The following CSGALNACT1 variants were observed in gnomAD, a reference collection of about 807,000 sequenced individuals.
CSGALNACT1 encodes the protein beta4GalNAcT-1.
CSGALNACT1 carries 52 observed loss-of-function variants against 51.0 expected under a neutral mutation model. The ratio of observed to expected loss-of-function variants is 1.02; its 90% CI spans 0.82 to 1.29. The LOEUF (loss-of-function observed/expected upper bound fraction) is 1.29. Ranked by LOEUF, CSGALNACT1 falls within the 50% of genes most tolerant of loss-of-function variation. The pLI is 0.00. For synonymous variants in CSGALNACT1, 341 were observed against 254.4 expected (o/e 1.34, Z -3.24); for missense variants, 935 against 679.2 (o/e 1.38, Z -4.19).
intron 1 of CSGALNACT1, among the ~76,000 whole-genome samples, chr8:19,679,359 G>A (rs1485916287): frequency 5.9e-5 from 9 of 152,062 alleles, no homozygotes; most frequent in Admixed American, 2.0e-4. Context: ...GGAGGCTGAG[G>A]TGAGAGAACT....
chr8:19,691,492 C>T (rs747221037), intron 1 of CSGALNACT1, among the ~76,000 whole-genome samples: 1 of 152,236 alleles, frequency 6.6e-6, no homozygotes, highest in African/African-American at 2.4e-5. Flanking sequence ...AAGAAAATCA[C>T]TAGGCCTGTT....
chr8:19,521,180 CA>C (rs1297681439), intron 3 of CSGALNACT1, among the ~76,000 whole-genome samples: 1 of 152,056 alleles, frequency 6.6e-6, no homozygotes, highest in Non-Finnish European at 1.5e-5. Flanking sequence ...AGATTTTAAA[CA>C]ACAGACTCAC....
intron 3 of CSGALNACT1, among the ~76,000 whole-genome samples, chr8:19,588,701 G>A (rs938372997): frequency 6.6e-6 from 1 of 152,144 alleles, no homozygotes; most frequent in Non-Finnish European, 1.5e-5. Flanking sequence ...TTGGATTTTT[G>A]TCAATTTTTT....
intron 1 of CSGALNACT1, among the ~76,000 whole-genome samples, chr8:19,733,562 C>T (rs1242889433): frequency 6.6e-6 from 1 of 152,202 alleles, no homozygotes; most frequent in Non-Finnish European, 1.5e-5. Flanking sequence ...CTCACCTCCT[C>T]CACAACTGCT....
chr8:19,542,454 G>A (rs187729352), intron 3 of CSGALNACT1, among the ~76,000 whole-genome samples: 4 of 152,270 alleles, frequency 2.6e-5, no homozygotes, highest in East Asian at 3.9e-4. Flanking sequence ...CCATGTGACA[G>A]TCTCCCAGTC....
intron 3 of CSGALNACT1, among the ~76,000 whole-genome samples, chr8:19,521,038 G>A (rs1328707889): frequency 3.3e-5 from 5 of 152,284 alleles, no homozygotes; most frequent in Admixed American, 2.0e-4. Flanking sequence ...TCAACACACC[G>A]TCCTGGAGCG....
chr8:19,736,183 C>A (rs1429100297), intron 1 of CSGALNACT1, among the ~76,000 whole-genome samples: 1 of 152,164 alleles, frequency 6.6e-6, no homozygotes, highest in Non-Finnish European at 1.5e-5. Flanking sequence ...CAACACAAAG[C>A]AGAATTCAAA....
chr8:19,664,621 G>A (rs55659028), intron 1 of CSGALNACT1, among the ~76,000 whole-genome samples: 3,008 of 151,304 alleles, frequency 0.02, 46 homozygotes, highest in South Asian at 0.048. Flanking sequence ...CAGTGTGGAT[G>A]TATGTACACA....
chr8:19,562,511 C>A (rs1429886517), intron 3 of CSGALNACT1, among the ~76,000 whole-genome samples: 1 of 147,898 alleles, frequency 6.8e-6, no homozygotes, highest in African/African-American at 2.5e-5. Context: ...ACCATCAGAG[C>A]AAACAGACAA....
intron 3 of CSGALNACT1, among the ~76,000 whole-genome samples, chr8:19,546,302 C>T (rs969076360): frequency 1.3e-5 from 2 of 152,076 alleles, no homozygotes; most frequent in African/African-American, 4.8e-5. Flanking sequence ...GCCTAGAGGG[C>T]TGTGCTTCAA....
intron 1 of CSGALNACT1, among the ~76,000 whole-genome samples, chr8:19,669,064 A>ATTT (rs2059593735): frequency 6.6e-6 from 1 of 152,364 alleles, no homozygotes; most frequent in Admixed American, 6.5e-5. Flanking sequence ...GTAAAACAAA[A>ATTT]GGTCTCAGAT....
At chr8:19,617,843 T>C (rs1324974126) in intron 1 of CSGALNACT1, among the ~76,000 whole-genome samples, 1 of 152,228 alleles carries the variant, frequency 6.6e-6, no homozygotes, top group Non-Finnish European at 1.5e-5. Flanking sequence ...GATAGGCTTT[T>C]AAAAGAGGAA....
At chr8:19,408,995 G>A (rs1484688871) in intron 8 of CSGALNACT1, among the ~76,000 whole-genome samples, 5 of 94,494 alleles carry the variant, frequency 5.3e-5, no homozygotes, top group Middle Eastern at 6.8e-3. Flanking sequence ...AACAAAAACC[G>A]GGAGAGCCAG....
chr8:19,641,450 GC>G (rs1564329089), intron 1 of CSGALNACT1, among the ~76,000 whole-genome samples: 2 of 152,138 alleles, frequency 1.3e-5, no homozygotes, highest in Non-Finnish European at 2.9e-5. Context: ...TCATTTTGGA[GC>G]TCTTCAAATG....
Position 19,757,620 on chromosome 8 carries a change from G to A in CSGALNACT1, c.-297+230C>T, listed in dbSNP as rs7842981. Among the ~76,000 whole-genome samples the A allele has an allele frequency of 0.018, 2,714 of 152,252 alleles. 73 individuals carry two copies. The highest frequency in any genetic ancestry group is 0.062 in the African/African-American group (2,571 of 41,544). On this transcript the variant is annotated intron_variant, in intron 1 of 1. Coordinates refer to the CSGALNACT1 transcript ENST00000517494. The surrounding 1 kb of genome is among the most constrained non-coding windows in gnomAD (Gnocchi z 4.0). ...TTAGAGACTAGGACACTGTGGCGTG[G>A]CCCGAGTTGCAGGAGAGAGGTGTCC...
intron 3 of CSGALNACT1, among the ~76,000 whole-genome samples, chr8:19,516,615 G>T (rs980361505): frequency 6.6e-6 from 1 of 152,170 alleles, no homozygotes; most frequent in African/African-American, 2.4e-5. Context: ...TCCCCATCCC[G>T]GTGTGAGCCT....
chr8:19,405,044 G>T (rs1224002808), exon 10 of CSGALNACT1: 3 of 453,156 alleles, frequency 6.6e-6, no homozygotes, highest in Non-Finnish European at 1.3e-5. Flanking sequence ...GCATCTCAAA[G>T]TATCTTCTTA....
chr8:19,516,930 C>T (rs532725852), intron 3 of CSGALNACT1, among the ~76,000 whole-genome samples: 1 of 152,334 alleles, frequency 6.6e-6, no homozygotes, highest in Admixed American at 6.5e-5. Flanking sequence ...CTGGAATCTG[C>T]AGCCACATTT....
exon 4 of CSGALNACT1, chr8:19,505,888 C>A (rs747536645): frequency 1.9e-6 from 3 of 1,599,150 alleles, no homozygotes; most frequent in Admixed American, 3.3e-5. Flanking sequence ...GCCGGGGCCC[C>A]CACGGAAGGG....
Sources: gnomAD v4.1 joint callset for allele counts (sites outside exome capture counted in the v4.1 genomes callset) on GRCh38, gnomAD v4.1.1 for gene constraint, Gnocchi (gnomAD v3.1) non-coding constraint, MANE v1.5 for transcripts, NCBI Gene and HGNC (gene_info 2026-07-23, HGNC 2026-07-21) for gene names.